The following CSTPP1 variants were observed in gnomAD, a reference collection of about 807,000 sequenced individuals.
CSTPP1 encodes the protein centriolar satellite-associated tubulin polyglutamylase complex regulator 1.
chr11:47,017,349 A>G, the CSTPP1 span, among the ~76,000 whole-genome samples: 333 of 151,638 alleles, frequency 2.2e-3, 1 homozygote, highest in Non-Finnish European at 1.6e-3. Flanking sequence ...TAATTTTTGT[A>G]TTTTTAGTAG....
chr11:46,947,393 T>C, the CSTPP1 span, among the ~76,000 whole-genome samples: 1 of 152,234 alleles, frequency 6.6e-6, no homozygotes, highest in East Asian at 1.9e-4. Flanking sequence ...TGAGCAGAAT[T>C]TTAATGATTT....
the CSTPP1 span, chr11:47,157,709 A>C: frequency 9.7e-7 from 1 of 1,033,002 alleles, no homozygotes; most frequent in Middle Eastern, 2.4e-4. Context: ...CTCCCAAGGC[A>C]GGTCCCTGGC....
At chr11:47,086,854 G>A in the CSTPP1 span, among the ~76,000 whole-genome samples, 6 of 152,122 alleles carry the variant, frequency 3.9e-5, no homozygotes, top group South Asian at 2.1e-4. Flanking sequence ...GAGAAGGAAC[G>A]GGAGTAGACA....
chr11:47,145,673 A>G, the CSTPP1 span, among the ~76,000 whole-genome samples: 25 of 152,124 alleles, frequency 1.6e-4, no homozygotes, highest in South Asian at 3.9e-3. Flanking sequence ...GTTCTGTCAC[A>G]CAGGCTGGAG....
the CSTPP1 span, among the ~76,000 whole-genome samples, chr11:46,985,922 C>G: frequency 6.6e-6 from 1 of 152,046 alleles, no homozygotes; most frequent in African/African-American, 2.4e-5. Context: ...AATCCAAAGC[C>G]CAGGTTCTTA....
chr11:47,086,234 C>CAAAAAAAAAAAAAAAAAA, the CSTPP1 span, among the ~76,000 whole-genome samples: 4 of 89,406 alleles, frequency 4.5e-5, no homozygotes, highest in Non-Finnish European at 8.1e-5. Flanking sequence ...ACTAAAAATC[C>CAAAAAAAAAAAAAAAAAA]AAAAAAAAAA....
the CSTPP1 span, chr11:47,155,448 G>C: frequency 3.9e-5 from 24 of 621,552 alleles, no homozygotes; most frequent in Non-Finnish European, 6.3e-5. Context: ...TCAGTCTGCA[G>C]AGCCGACTTC....
At chr11:47,094,480 CAGAGAG>C in the CSTPP1 span, among the ~76,000 whole-genome samples, 1 of 150,178 alleles carries the variant, frequency 6.7e-6, no homozygotes, top group Non-Finnish European at 1.5e-5. Context: ...TTACCACACA[CAGAGAG>C]AGAGAGAGAG....
the CSTPP1 span, among the ~76,000 whole-genome samples, chr11:47,045,668 G>A: frequency 2.1e-3 from 317 of 152,268 alleles, 1 homozygote; most frequent in Non-Finnish European, 3.3e-3. Flanking sequence ...AGAAATAATT[G>A]AACCAAGAGT....
At chr11:47,135,879 C>T in the CSTPP1 span, among the ~76,000 whole-genome samples, 1 of 152,134 alleles carries the variant, frequency 6.6e-6, no homozygotes, top group East Asian at 1.9e-4. Context: ...ACTTGAAGTA[C>T]ATGAGTTAGA....
At chr11:47,107,610 G>A in the CSTPP1 span, among the ~76,000 whole-genome samples, 1 of 151,592 alleles carries the variant, frequency 6.6e-6, no homozygotes, top group African/African-American at 2.4e-5. Context: ...TATTTTCATG[G>A]TTTTTTTTCA....
At chr11:46,996,148 C>G in the CSTPP1 span, among the ~76,000 whole-genome samples, 2 of 151,966 alleles carry the variant, frequency 1.3e-5, no homozygotes, top group Non-Finnish European at 2.9e-5. Context: ...TCCTCCATCC[C>G]TTTATTTTGA....
At chr11:47,077,824 A>G in the CSTPP1 span, among the ~76,000 whole-genome samples, 1 of 152,206 alleles carries the variant, frequency 6.6e-6, no homozygotes, top group Non-Finnish European at 1.5e-5. Flanking sequence ...GTGTAAAAAA[A>G]TTGTCCAACC....
the CSTPP1 span, among the ~76,000 whole-genome samples, chr11:47,035,156 CTT>C: frequency 6.6e-6 from 1 of 152,310 alleles, no homozygotes; most frequent in South Asian, 2.1e-4. Flanking sequence ...CATGAATTTC[CTT>C]TGTTTATAAT....
chr11:47,039,087 T>C, the CSTPP1 span, among the ~76,000 whole-genome samples: 1 of 126,054 alleles, frequency 7.9e-6, no homozygotes. Flanking sequence ...CGCTCCTCAC[T>C]TCCCAGACGG....
chr11:46,943,752 G>T, the CSTPP1 span, among the ~76,000 whole-genome samples: 11 of 152,282 alleles, frequency 7.2e-5, no homozygotes, highest in South Asian at 2.3e-3. Flanking sequence ...TACAGTCATG[G>T]TGGCTTACGC....
At chr11:47,037,392 ATTTT>A in the CSTPP1 span, among the ~76,000 whole-genome samples, 19 of 116,768 alleles carry the variant, frequency 1.6e-4, 2 homozygotes, top group African/African-American at 4.9e-4. Context: ...TATTATTATT[ATTTT>A]TTTTTTTTAA....
At chr11:46,984,120 T>C in the CSTPP1 span, among the ~76,000 whole-genome samples, 1 of 152,236 alleles carries the variant, frequency 6.6e-6, no homozygotes, top group African/African-American at 2.4e-5. Context: ...GTGATTTTAC[T>C]ATCAACATAC....
the CSTPP1 span, among the ~76,000 whole-genome samples, chr11:47,006,474 C>T: frequency 6.6e-5 from 10 of 151,962 alleles, no homozygotes; most frequent in South Asian, 2.1e-4. Context: ...TTAAACTATT[C>T]GGTGTTCTTA....
Sources: allele counts gnomAD v4.1 joint callset (sites outside exome capture counted in the v4.1 genomes callset), GRCh38; gene constraint gnomAD v4.1.1; transcripts MANE v1.5; gene names NCBI Gene and HGNC (gene_info 2026-07-23, HGNC 2026-07-21).